The following CHD9 variants were observed in gnomAD, a reference collection of about 807,000 sequenced individuals.
The protein encoded by CHD9 is ATP-dependent chromatin remodeler CHD9.
A neutral mutation model predicts 316.1 loss-of-function variants in CHD9; 77 were observed. The ratio of observed to expected loss-of-function variants is 0.24; its 90% CI spans 0.20 to 0.29. The LOEUF is 0.29. Among genes scored for constraint, CHD9 ranks in the 10% least tolerant of loss-of-function variants. The pLI, the probability that CHD9 is intolerant of heterozygous loss-of-function variation, is 1.00. For missense variants in CHD9, 2,763 were observed against 3,438.1 expected (o/e 0.80, Z 4.91); for synonymous variants, 1,129 against 1,158.3 (o/e 0.97, Z 0.51).
At chr16:53,215,643 T>C (rs932259757) in intron 3 of CHD9, among the ~76,000 whole-genome samples, 9 of 152,202 alleles carry the variant, frequency 5.9e-5, no homozygotes, top group African/African-American at 1.7e-4. Context: ...GCCTTTTTTT[T>C]CTCTTATGAT....
chr16:53,187,366 C>G (rs2044108992), intron 2 of CHD9, among the ~76,000 whole-genome samples: 2 of 151,990 alleles, frequency 1.3e-5, no homozygotes, highest in Admixed American at 1.3e-4. Flanking sequence ...AAAAAATTAG[C>G]TGGGCATGGT....
intron 1 of CHD9, among the ~76,000 whole-genome samples, chr16:53,093,867 G>A (rs1336043287): frequency 6.6e-6 from 1 of 152,104 alleles, no homozygotes; most frequent in Non-Finnish European, 1.5e-5. Context: ...TCAGAGCCTT[G>A]AGAGCTCTGA....
intron 2 of CHD9, among the ~76,000 whole-genome samples, chr16:53,207,570 A>G (rs2045984257): frequency 6.6e-6 from 1 of 152,316 alleles, no homozygotes; most frequent in East Asian, 1.9e-4. Flanking sequence ...TGTTAGAAAA[A>G]TTATAAGAAA....
chr16:53,092,186 T>C (rs1002752978), intron 1 of CHD9, among the ~76,000 whole-genome samples: 8 of 152,150 alleles, frequency 5.3e-5, no homozygotes, highest in Non-Finnish European at 7.4e-5. Flanking sequence ...TCATCTCCAG[T>C]AAATCAGCCA....
intron 17 of CHD9, among the ~76,000 whole-genome samples, chr16:53,253,195 A>T (rs1392427764): frequency 6.6e-6 from 1 of 150,772 alleles, no homozygotes; most frequent in Non-Finnish European, 1.5e-5. Flanking sequence ...TGGTGGGTAT[A>T]TGTGCGTGTG....
At position 53,227,481 on chromosome 16, in the gene CHD9, T is replaced by G. The variant is rs773021878; in HGVS notation, c.2112+17T>G. The G allele has an allele frequency of 1.3e-6, 2 of 1,511,422 alleles. No individual in the cohort carries two copies. Among genetic ancestry groups the G allele is most frequent in the East Asian group, 2.4e-5 (1 of 41,696 alleles). The allele number at this position is 1,511,422 out of a possible 1,614,324, so 93.6% of individuals were successfully genotyped here. A position where few individuals can be genotyped will look rare whatever the true frequency, so the allele number is the denominator to read the frequency against. On this transcript the variant is annotated intron_variant, in intron 6 of 38. Transcript: ENST00000447540. ...AAAAAGGAAGTAAGTACTGGTACAT[T>G]ACATTTTACACTTCATATTCTGTGG...
At chr16:53,066,490 A>C (rs2033528950) in intron 1 of CHD9, among the ~76,000 whole-genome samples, 1 of 152,202 alleles carries the variant, frequency 6.6e-6, no homozygotes, top group South Asian at 2.1e-4. Flanking sequence ...AAGAAAAATA[A>C]ACACATACGG....
chr16:53,156,010 G>T lies in CHD9; in HGVS notation c.-80G>T. 1 of 1,338,222 alleles carries T rather than the reference G, an allele frequency of 7.5e-7. No homozygotes were observed. Among genetic ancestry groups the T allele is most frequent in the Non-Finnish European group, 1.0e-6 (1 of 983,432 alleles). 82.9% of individuals were successfully genotyped at this position (1,338,222 alleles called of 1,614,324 possible). A position where few individuals can be genotyped will look rare whatever the true frequency, so the allele number is the denominator to read the frequency against. On this transcript the variant is annotated 5_prime_UTR_variant, in exon 2 of 39. An upstream start codon of the reference 5' UTR is lost. Coordinates refer to ENST00000447540, the MANE Select transcript of CHD9 (RefSeq NM_001308319.2). The stretch of plus-strand genomic sequence containing the variant: ...GGATTAGTTGATGACCTTCGGAAAT[G>T]ATCCAATAATATCTACTATAGAGAA...
chr16:53,230,503 C>A (rs2152924756), intron 8 of CHD9, among the ~76,000 whole-genome samples: 1 of 152,136 alleles, frequency 6.6e-6, no homozygotes, highest in East Asian at 1.9e-4. Flanking sequence ...TTTGTGGATG[C>A]TGGGAGGTCC....
At chr16:53,144,623 G>A (rs2040413505) in intron 1 of CHD9, among the ~76,000 whole-genome samples, 1 of 151,790 alleles carries the variant, frequency 6.6e-6, no homozygotes, top group Non-Finnish European at 1.5e-5. Context: ...CTGCCTCCCG[G>A]GTTCAAGCGA....
chr16:53,208,321 T>G (rs1345547130), intron 2 of CHD9: 1 of 1,281,526 alleles, frequency 7.8e-7, no homozygotes, highest in Non-Finnish European at 1.0e-6. Flanking sequence ...GCCAAAAATG[T>G]CTTCAGTGAA....
At chr16:53,262,890 G>T in intron 19 of CHD9, 97 bp from the exon 20 acceptor site, 2 of 965,142 alleles carry the variant, frequency 2.1e-6, no homozygotes, top group Non-Finnish European at 3.3e-6. Context: ...GTATGAGTAT[G>T]CAGAATTCAA....
At chr16:53,143,401 T>TATTC (rs1007452230) in intron 1 of CHD9, among the ~76,000 whole-genome samples, 8 of 144,410 alleles carry the variant, frequency 5.5e-5, no homozygotes, top group Non-Finnish European at 7.6e-5. Context: ...TTTATTTATT[T>TATTC]ATCTGAGGCA....
intron 29 of CHD9, among the ~76,000 whole-genome samples, chr16:53,295,795 T>A (rs2054727468): frequency 6.6e-6 from 1 of 152,226 alleles, no homozygotes; most frequent in Non-Finnish European, 1.5e-5. Context: ...ATGTTTTTTC[T>A]AATTTACACA....
chr16:53,270,503 C>T (rs748811620), intron 22 of CHD9, among the ~76,000 whole-genome samples: 5 of 151,632 alleles, frequency 3.3e-5, no homozygotes, highest in African/African-American at 4.8e-5. Context: ...TAAAAGATAC[C>T]GTTGATATTT....
At chr16:53,238,691 C>T (rs1255709174) in intron 12 of CHD9, 105 bp downstream of exon 12, 5 of 1,131,248 alleles carry the variant, frequency 4.4e-6, no homozygotes, top group Admixed American at 4.5e-5. Context: ...TAATTGCCTA[C>T]CTAGATCTTA....
At chr16:53,194,312 T>A (rs955954169) in intron 2 of CHD9, among the ~76,000 whole-genome samples, 2 of 152,084 alleles carry the variant, frequency 1.3e-5, no homozygotes, top group African/African-American at 4.8e-5. Context: ...GTGCAGTGGC[T>A]CATGCCTATA....
chr16:53,274,325 T>C (rs2052577491), intron 24 of CHD9, 23 bp downstream of exon 24: 3 of 1,438,310 alleles, frequency 2.1e-6, no homozygotes, highest in African/African-American at 2.9e-5. Context: ...ATTTTTATTA[T>C]TTTTGTTTGT....
At chr16:53,211,668 C>T (rs1053211411) in intron 3 of CHD9, among the ~76,000 whole-genome samples, 1 of 152,040 alleles carries the variant, frequency 6.6e-6, no homozygotes, top group Non-Finnish European at 1.5e-5. Flanking sequence ...TTATAAGTCG[C>T]AGGCAGATAA....
Sources: gnomAD v4.1 joint callset for allele counts (sites outside exome capture counted in the v4.1 genomes callset) on GRCh38, gnomAD v4.1.1 for gene constraint, MANE v1.5 for transcripts, NCBI Gene and HGNC (gene_info 2026-07-23, HGNC 2026-07-21) for gene names.